Variants in MROH2B observed in about 807,000 individuals in gnomAD.
The protein encoded by MROH2B is maestro heat-like repeat-containing protein family member 2B.
In MROH2B, 177 loss-of-function variants were observed where a neutral mutation model predicts 208.6. That is an observed-to-expected ratio of 0.85 (90% CI 0.75 to 0.96). The LOEUF (loss-of-function observed/expected upper bound fraction) is 0.96. Among genes scored for constraint, MROH2B ranks in the 40% least tolerant of loss-of-function variants. The probability of loss-of-function intolerance (pLI) is 0.00; values close to 1 mark genes in which losing one functional copy is unlikely to be tolerated. For missense variants in MROH2B, 2,002 were observed against 1,878.7 expected (o/e 1.07, Z -1.21); for synonymous variants, 728 against 659.0 (o/e 1.10, Z -1.60).
At position 41,007,380 on chromosome 5, in the gene MROH2B, C is replaced by A; in HGVS notation, c.3683G>T (p.Gly1228Val). Residue 1228 changes from glycine to valine, a missense_variant, in exon 34 of 42, where the codon GGG becomes GTG. Coordinates refer to ENST00000399564, the MANE Select transcript of MROH2B (RefSeq NM_173489.5). ...REGLAKESDEGDNLWTLLSSP... is the reference protein window; with the variant it reads ...REGLAKESDEVDNLWTLLSSP... ...GCTGAGTAGAGTCCATAAGTTGTCC[C>A]CCTCATCAGATTCCTTTGCAAGGCC... 1 of 1,551,958 alleles carries A rather than the reference C, an allele frequency of 6.4e-7. No homozygotes were observed.
At position 41,045,763 on chromosome 5, in the gene MROH2B, T is replaced by G. The variant is rs374944474; in HGVS notation, c.1819A>C (p.Asn607His). The G allele has an allele frequency of 2.7e-5, 44 of 1,613,350 alleles. No individual in the cohort carries two copies. The highest frequency in any genetic ancestry group is 3.3e-4 in the Middle Eastern group (2 of 6,080). The change falls in exon 18 of 42, where the codon AAT becomes CAT. Residue 607 changes from asparagine to histidine, a missense_variant. Coordinates refer to ENST00000399564, the MANE Select transcript of MROH2B (RefSeq NM_173489.5). ...AAACCAACCTTCTCAGTGGAGTTAT[T>G]GCTGTAACTGCCCATTTGCTGTTTG... Reference protein sequence around the residue: ...DFKQQMGSYSNNSTEKKFLWK... With the variant: ...DFKQQMGSYSHNSTEKKFLWK...
intron 18 of MROH2B, among the ~76,000 whole-genome samples, chr5:41,044,329 C>A (rs1161720460): frequency 6.6e-5 from 10 of 151,846 alleles, no homozygotes; most frequent in Non-Finnish European, 1.5e-4. Flanking sequence ...AGATGACTAC[C>A]CACCTGAGCC....
chr5:41,022,084 C>T (rs565478066), intron 24 of MROH2B, among the ~76,000 whole-genome samples: 3 of 152,124 alleles, frequency 2.0e-5, no homozygotes, highest in East Asian at 1.9e-4. Flanking sequence ...CCAAGATGGC[C>T]GAATAGGAAC....
At chr5:41,039,047 G>A (rs1742857357) in intron 20 of MROH2B, among the ~76,000 whole-genome samples, 159 bp from the exon 21 acceptor site, 1 of 152,142 alleles carries the variant, frequency 6.6e-6, no homozygotes, top group Non-Finnish European at 1.5e-5. Context: ...CTGTTTAAAT[G>A]TAAACAGCCA....
At chr5:41,011,112 T>G (rs746211617) in intron 30 of MROH2B, among the ~76,000 whole-genome samples, 1 of 152,202 alleles carries the variant, frequency 6.6e-6, no homozygotes. Flanking sequence ...AATTTGGATG[T>G]TAATCTGTTG....
chr5:41,034,996 C>T (rs889588250), intron 21 of MROH2B, among the ~76,000 whole-genome samples: 10 of 151,996 alleles, frequency 6.6e-5, no homozygotes, highest in African/African-American at 2.2e-4. Flanking sequence ...TAGGAAGAAT[C>T]AATATTGTTA....
intron 4 of MROH2B, 141 bp from the exon 5 acceptor site, chr5:41,064,711 C>T (rs1259124412): frequency 6.6e-5 from 38 of 576,690 alleles, no homozygotes; most frequent in East Asian, 4.8e-4. Context: ...TCTATAATTC[C>T]GCCATCTCTA....
chr5:41,011,827 G>C (rs529878567), intron 30 of MROH2B, among the ~76,000 whole-genome samples: 1 of 151,830 alleles, frequency 6.6e-6, no homozygotes, highest in Non-Finnish European at 1.5e-5. Flanking sequence ...GCCACCATGC[G>C]CAGCTAAGTT....
chr5:41,067,172 A>G lies in MROH2B; in HGVS notation c.137T>C (p.Ile46Thr), dbSNP rs777211208. Residue 46 changes from isoleucine to threonine, a missense_variant, in exon 3 of 42, where the codon ATC becomes ACC. Ile to Thr is a moderately conservative substitution (Grantham distance 89). Coordinates refer to ENST00000399564, the MANE Select transcript of MROH2B (RefSeq NM_173489.5). ...HLTSVIQNTD[I>T]LDDAIVQRLI... ...TCGTTGGACAATTGCATCATCCAAG[A>G]TGTCAGTATTCTGAATAACAGAAGT... 6.4e-5 allele frequency: 100 copies of G among 1,555,682 alleles called. No individual in the cohort carries two copies. Among genetic ancestry groups the G allele is most frequent in the Non-Finnish European group, 1.7e-6 (2 of 1,148,360 alleles).
chr5:41,067,494 G>A (rs1743848656), intron 2 of MROH2B, among the ~76,000 whole-genome samples: 1 of 152,022 alleles, frequency 6.6e-6, no homozygotes, highest in Non-Finnish European at 1.5e-5. Flanking sequence ...AGCCTCCCGA[G>A]TAGCCAGGAT....
At chr5:41,018,013 G>A (rs1742013649) in intron 27 of MROH2B, 43 bp from the exon 28 acceptor site, 3 of 1,553,078 alleles carry the variant, frequency 1.9e-6, no homozygotes, top group East Asian at 2.4e-5. Flanking sequence ...GGGTAGCTTG[G>A]TCATATCCCA....
At chr5:41,041,131 A>G (rs1561295746) in intron 19 of MROH2B, among the ~76,000 whole-genome samples, 2 of 152,194 alleles carry the variant, frequency 1.3e-5, no homozygotes, top group East Asian at 3.8e-4. Flanking sequence ...ATCTGACAAG[A>G]AAAAGGAAAT....
chr5:41,070,177 C>A (rs1347370061), intron 1 of MROH2B, among the ~76,000 whole-genome samples: 10 of 152,136 alleles, frequency 6.6e-5, no homozygotes, highest in African/African-American at 2.2e-4. Flanking sequence ...CTCCCATCTT[C>A]TTTTTCCATA....
Position 41,002,961 on chromosome 5 carries a change from C to G in MROH2B, c.4194+1385G>C, listed in dbSNP as rs11951927. Reference sequence around the variant, plus strand: ...TTGAGGACAAGATAATTAAAAATTGCTTTTTTTTTTTTTTTTGAGATGGAG... The same window carrying G: ...TTGAGGACAAGATAATTAAAAATTGGTTTTTTTTTTTTTTTTGAGATGGAG... On this transcript the variant is annotated intron_variant, in intron 37 of 41. Transcript: ENST00000399564. Among the ~76,000 whole-genome samples, 15 of 136,520 alleles carry G rather than the reference C, an allele frequency of 1.1e-4. No homozygotes were observed. In the Admixed American group the frequency reaches 1.1e-3, roughly 10 times the overall value. 89.6% of individuals were successfully genotyped at this position (136,520 alleles called of 152,430 possible).
In MROH2B at chr5:41,026,403, C is replaced by G. The variant is rs1477668672; in HGVS notation, c.2441+6339G>C. ...CTTATACACCAATAACAGACAAACA[C>G]AGAGCCAAATCATGAGTGAACTCCC... On this transcript the variant is annotated intron_variant, in intron 24 of 41. Transcript: ENST00000399564. 4.6e-5 allele frequency among the ~76,000 whole-genome samples: 7 copies of G among 152,048 alleles called. No individual in the cohort carries two copies. The East Asian group carries it at 7.7e-4, about 17-fold the overall frequency.
chr5:41,022,266 G>A (rs1317890845), intron 24 of MROH2B, among the ~76,000 whole-genome samples: 1 of 152,188 alleles, frequency 6.6e-6, no homozygotes, highest in African/African-American at 2.4e-5. Context: ...CCTCACCTGG[G>A]AAGCACAAGG....
intron 39 of MROH2B, 141 bp downstream of exon 39, chr5:41,000,079 G>T: frequency 8.8e-7 from 1 of 1,132,540 alleles, no homozygotes; most frequent in Non-Finnish European, 1.3e-6. Flanking sequence ...ACTATATCCT[G>T]TGAAATCAGG....
Position 41,042,076 on chromosome 5 carries a change from G to T in MROH2B, c.1953+16C>A. ...TGTTATCATCATAAGAGGAAATTGA[G>T]AGCAAGGGGTCCCACCTGTCTTTGA... On this transcript the variant is annotated intron_variant, in intron 19 of 41. Transcript: ENST00000399564. 6.9e-7 allele frequency: 1 copy of T among 1,454,784 alleles called. No homozygotes were observed. Among genetic ancestry groups the T allele is most frequent in the South Asian group, 1.2e-5 (1 of 82,586 alleles). The allele number at this position is 1,454,784 out of a possible 1,614,324, so 90.1% of individuals were successfully genotyped here. A position where few individuals can be genotyped will look rare whatever the true frequency, so the allele number is the denominator to read the frequency against.
chr5:41,004,229 C>G, intron 37 of MROH2B, 117 bp downstream of exon 37: 1 of 1,209,830 alleles, frequency 8.3e-7, no homozygotes, highest in Non-Finnish European at 1.2e-6. Flanking sequence ...GGTGACCTGT[C>G]TGGGGCAGGC....
Sources: gnomAD v4.1 joint callset for allele counts (sites outside exome capture counted in the v4.1 genomes callset) on GRCh38, gnomAD v4.1.1 for gene constraint, MANE v1.5 for transcripts, NCBI Gene and HGNC (gene_info 2026-07-23, HGNC 2026-07-21) for gene names.